The following WDFY3 variants were observed in gnomAD, a reference collection of about 807,000 sequenced individuals.
WDFY3 encodes WD repeat and FYVE domain containing 3.
In WDFY3, 66 loss-of-function variants were observed where a neutral mutation model predicts 409.6. The observed-to-expected ratio is 0.16, with a 90% CI of 0.13 to 0.20. WDFY3 has a LOEUF of 0.20. WDFY3 is among the 10% of genes least tolerant of loss of function. The pLI is 1.00. For missense variants in WDFY3, 3,031 were observed against 4,298.1 expected (o/e 0.71, Z 8.24); for synonymous variants, 1,521 against 1,537.1 (o/e 0.99, Z 0.25).
intron 1 of WDFY3, among the ~76,000 whole-genome samples, chr4:84,942,378 C>T (rs752949250): frequency 1.5e-4 from 23 of 151,776 alleles, no homozygotes; most frequent in Non-Finnish European, 3.2e-4. Flanking sequence ...TAAAAGATGT[C>T]GACACTTACT....
At chr4:84,847,777 AAAAAAAAAAAACC>A (rs1306933323) in intron 5 of WDFY3, among the ~76,000 whole-genome samples, 1 of 144,028 alleles carries the variant, frequency 6.9e-6, no homozygotes, top group African/African-American at 2.5e-5. Context: ...CCGTCCCAAA[AAAAAAAAAAAACC>A]AAAAAAAAAA....
chr4:84,692,421 A>G (rs903794001), intron 59 of WDFY3, among the ~76,000 whole-genome samples: 2 of 152,190 alleles, frequency 1.3e-5, no homozygotes, highest in Non-Finnish European at 2.9e-5. Context: ...TCTAAGGGGA[A>G]AAAACCTACT....
At chr4:84,953,683 G>T (rs1292745416) in intron 1 of WDFY3, among the ~76,000 whole-genome samples, 1 of 151,902 alleles carries the variant, frequency 6.6e-6, no homozygotes, top group Non-Finnish European at 1.5e-5. Flanking sequence ...TTTTTCCTAA[G>T]TATCTTACAT....
At chr4:84,682,269 G>A in intron 64 of WDFY3, 105 bp downstream of exon 64, 1 of 1,038,666 alleles carries the variant, frequency 9.6e-7, no homozygotes, top group Non-Finnish European at 1.4e-6. Flanking sequence ...TCCAAGCAGT[G>A]CCCAACCTTG....
chr4:84,756,257 A>T (rs1469658411), intron 33 of WDFY3, among the ~76,000 whole-genome samples: 1 of 152,152 alleles, frequency 6.6e-6, no homozygotes, highest in Non-Finnish European at 1.5e-5. Flanking sequence ...ATGGTATATA[A>T]GCCACTCCTT....
At chr4:84,740,443 G>C in intron 38 of WDFY3, 27 bp from the exon 39 acceptor site, 1 of 1,610,374 alleles carries the variant, frequency 6.2e-7, no homozygotes, top group Non-Finnish European at 8.5e-7. Flanking sequence ...TATGTTTTTA[G>C]TATAATAGAC....
intron 64 of WDFY3, among the ~76,000 whole-genome samples, chr4:84,680,948 A>C (rs975537486): frequency 6.6e-6 from 1 of 152,216 alleles, no homozygotes; most frequent in Non-Finnish European, 1.5e-5. Flanking sequence ...TTATTTTCTT[A>C]GCAAGACAAA....
intron 62 of WDFY3, among the ~76,000 whole-genome samples, chr4:84,685,054 G>A (rs190316251): frequency 7.2e-5 from 11 of 152,254 alleles, no homozygotes; most frequent in Admixed American, 3.9e-4. Flanking sequence ...TTTCTATAGC[G>A]CCAAAGCTTA....
At chr4:84,707,508 T>TG (rs1732163440) in intron 53 of WDFY3, among the ~76,000 whole-genome samples, 3 of 152,046 alleles carry the variant, frequency 2.0e-5, no homozygotes, top group Admixed American at 2.0e-4. Context: ...TTTCCTGAGA[T>TG]GGGGAATACA....
chr4:84,952,673 T>C (rs1773758379), intron 1 of WDFY3, among the ~76,000 whole-genome samples: 1 of 152,090 alleles, frequency 6.6e-6, no homozygotes, highest in Admixed American at 6.5e-5. Flanking sequence ...TTCGATGCTA[T>C]TCCACTCAGA....
chr4:84,766,089 C>A, intron 31 of WDFY3, 62 bp from the exon 32 acceptor site: 2 of 1,557,402 alleles, frequency 1.3e-6, no homozygotes, highest in South Asian at 2.4e-5. Flanking sequence ...ATTAGGATTT[C>A]AAATCAAAAA....
intron 3 of WDFY3, among the ~76,000 whole-genome samples, chr4:84,892,851 G>C (rs1271383105): frequency 6.6e-6 from 1 of 152,226 alleles, no homozygotes. Context: ...TTTGGAAATA[G>C]AATGTTCCCA....
intron 56 of WDFY3, among the ~76,000 whole-genome samples, chr4:84,697,252 A>G (rs1186714526): frequency 3.9e-5 from 6 of 152,180 alleles, no homozygotes; most frequent in Non-Finnish European, 5.9e-5. Flanking sequence ...ACTGTCTTGA[A>G]TCTCCTGGAC....
At chr4:84,922,832 G>C (rs1000668879) in intron 2 of WDFY3, among the ~76,000 whole-genome samples, 1 of 152,054 alleles carries the variant, frequency 6.6e-6, no homozygotes, top group Admixed American at 6.6e-5. Flanking sequence ...TGATCCCCCT[G>C]CCTCAGTCTC....
At chr4:84,949,976 T>C (rs1773392158) in intron 1 of WDFY3, among the ~76,000 whole-genome samples, 1 of 152,130 alleles carries the variant, frequency 6.6e-6, no homozygotes, top group African/African-American at 2.4e-5. Flanking sequence ...CTATTCACAA[T>C]AGCAAAGACT....
chr4:84,856,074 G>A (rs1759727718), intron 4 of WDFY3, among the ~76,000 whole-genome samples: 1 of 152,070 alleles, frequency 6.6e-6, no homozygotes, highest in South Asian at 2.1e-4. Flanking sequence ...CAACTGTATT[G>A]GTATTATGTA....
At chr4:84,822,274 C>T (rs886101642) in intron 10 of WDFY3, among the ~76,000 whole-genome samples, 2 of 151,920 alleles carry the variant, frequency 1.3e-5, no homozygotes, top group African/African-American at 4.8e-5. Context: ...AAAAGGAGTC[C>T]CCAGAACAAT....
At chr4:84,771,164 C>T (rs975549603) in intron 30 of WDFY3, among the ~76,000 whole-genome samples, 1 of 152,034 alleles carries the variant, frequency 6.6e-6, no homozygotes, top group Admixed American at 6.6e-5. Flanking sequence ...GAGACAGAGT[C>T]TCACTCTTGT....
intron 36 of WDFY3, among the ~76,000 whole-genome samples, chr4:84,745,605 G>C (rs1468083013): frequency 1.3e-5 from 2 of 152,166 alleles, no homozygotes; most frequent in African/African-American, 4.8e-5. Flanking sequence ...TCTTCTGCAT[G>C]AGACTATTCA....
Sources: gnomAD v4.1 joint callset for allele counts (sites outside exome capture counted in the v4.1 genomes callset) on GRCh38, gnomAD v4.1.1 for gene constraint, MANE v1.5 for transcripts, NCBI Gene and HGNC (gene_info 2026-07-23, HGNC 2026-07-21) for gene names.